The following PLCG2 variants were observed in gnomAD, a reference collection of about 807,000 sequenced individuals.
PLCG2 encodes the protein 1-phosphatidylinositol 4,5-bisphosphate phosphodiesterase gamma-2.
Under a neutral mutation model 175.6 loss-of-function variants are expected in PLCG2, and 69 were observed. The ratio of observed to expected loss-of-function variants is 0.39; its 90% CI spans 0.32 to 0.48. The LOEUF (loss-of-function observed/expected upper bound fraction) is 0.48, where lower values mean the gene tolerates loss of function less well. Among genes scored for constraint, PLCG2 ranks in the 20% least tolerant of loss-of-function variants. The probability of loss-of-function intolerance (pLI) is 0.91; values close to 1 mark genes in which losing one functional copy is unlikely to be tolerated. For synonymous variants in PLCG2, 827 were observed against 624.0 expected (o/e 1.33, Z -4.85); for missense variants, 1,798 against 1,650.9 (o/e 1.09, Z -1.54).
In PLCG2 at chr16:81,802,159, C is replaced by T. The variant is rs1030475445; in HGVS notation, c.193+15977C>T. Among the ~76,000 whole-genome samples, 69 of 123,366 alleles carry T rather than the reference C, an allele frequency of 5.6e-4. 1 individual carries two copies. Among genetic ancestry groups the T allele is most frequent in the African/African-American group, 2.1e-3 (67 of 32,604 alleles). The allele number at this position is 123,366 out of a possible 152,430, so 80.9% of individuals were successfully genotyped here. A position where few individuals can be genotyped will look rare whatever the true frequency, so the allele number is the denominator to read the frequency against. ...GACGGATCTCGCTCTTTCGCCCAGG[C>T]CAGAGTGCAGTGGCGCTATCTTGGC... is the stretch of plus-strand genomic sequence containing the variant. On this transcript the variant is annotated intron_variant, in intron 2 of 32. Transcript: ENST00000564138.
chr16:81,819,950 T>C (rs1904722321), intron 2 of PLCG2, among the ~76,000 whole-genome samples: 1 of 152,142 alleles, frequency 6.6e-6, no homozygotes, highest in Non-Finnish European at 1.5e-5. Flanking sequence ...TGCAGATTCA[T>C]TCTAGAACCT....
chr16:81,825,037 G>T (rs1452630769), intron 2 of PLCG2, among the ~76,000 whole-genome samples: 1 of 152,202 alleles, frequency 6.6e-6, no homozygotes, highest in Non-Finnish European at 1.5e-5. Context: ...CTAGAGCTGG[G>T]AAAGGCAATG....
chr16:81,938,986 G>A (rs879640709), intron 29 of PLCG2, 71 bp downstream of exon 29: 5 of 856,804 alleles, frequency 5.8e-6, no homozygotes, highest in African/African-American at 1.7e-5. Flanking sequence ...AGTGCTCTTC[G>A]TGGGGGATTT....
chr16:81,944,326 C>T (rs1174689825), intron 30 of PLCG2, among the ~76,000 whole-genome samples: 1 of 149,508 alleles, frequency 6.7e-6, no homozygotes, highest in East Asian at 2.2e-4. Context: ...ATGTATCGAA[C>T]ATATGCAGAC....
intron 9 of PLCG2, among the ~76,000 whole-genome samples, chr16:81,885,704 C>G (rs1908327528): frequency 1.3e-5 from 2 of 152,176 alleles, no homozygotes; most frequent in East Asian, 1.9e-4. Flanking sequence ...CATCCGATAC[C>G]CAGCCTGCAT....
chr16:81,871,997 A>G lies in PLCG2; in HGVS notation c.648+1062A>G, dbSNP rs868330324. 2.0e-5 allele frequency among the ~76,000 whole-genome samples: 3 copies of G among 152,182 alleles called. 1 individual carries two copies. Among genetic ancestry groups the G allele is most frequent in the African/African-American group, 4.8e-5 (2 of 41,438 alleles). ...ATTTTGTGATGAAAGCCAGCAGCAGATTTACATCAGGAGTCAGGTCTGCTA... is the reference window on the plus strand; with the variant it reads ...ATTTTGTGATGAAAGCCAGCAGCAGGTTTACATCAGGAGTCAGGTCTGCTA... On this transcript the variant is annotated intron_variant, in intron 7 of 32. Transcript: ENST00000564138.
chr16:81,835,035 G>A lies in PLCG2; in HGVS notation c.194-19409G>A, dbSNP rs115563301. ...GGTGTCATGAACACTGTTTTTCTCA[G>A]TGGGAGGAGGTGGAGGTACCCAAAG... On this transcript the variant is annotated intron_variant, in intron 2 of 32. Coordinates refer to ENST00000564138, the MANE Select transcript of PLCG2 (RefSeq NM_002661.5). Among the ~76,000 whole-genome samples, 361 of 152,068 alleles carry A rather than the reference G, an allele frequency of 2.4e-3. 3 individuals carry two copies. Among genetic ancestry groups the A allele is most frequent in the African/African-American group, 8.5e-3 (353 of 41,474 alleles).
At chr16:81,758,830 A>C (rs1392705082) in intron 2 of PLCG2, among the ~76,000 whole-genome samples, 1 of 152,082 alleles carries the variant, frequency 6.6e-6, no homozygotes, top group Non-Finnish European at 1.5e-5. Context: ...GGTGCACACC[A>C]CCATGCCCAG....
chr16:81,851,575 T>C (rs201403309), intron 2 of PLCG2, among the ~76,000 whole-genome samples: 1 of 152,036 alleles, frequency 6.6e-6, no homozygotes, highest in Non-Finnish European at 1.5e-5. Context: ...TGCAGTGGCG[T>C]GGTCTCGGCT....
intron 2 of PLCG2, among the ~76,000 whole-genome samples, chr16:81,818,498 C>T (rs901490210): frequency 2.6e-5 from 4 of 152,084 alleles, no homozygotes; most frequent in African/African-American, 9.7e-5. Flanking sequence ...GCCATTCTTC[C>T]TCTGCTTGCA....
In PLCG2 at chr16:81,895,896, G is replaced by A; in HGVS notation, c.1162G>A (p.Ala388Thr). Residue 388 changes from alanine to threonine, a missense_variant, in exon 13 of 33, where the codon GCC becomes ACC. Coordinates refer to ENST00000564138, the MANE Select transcript of PLCG2 (RefSeq NM_002661.5). ...GATCAAGTTTGACGACGTCGTGCAGGCCATCAAAGACCACGCCTTTGTTAC... is the reference window on the plus strand; with the variant it reads ...GATCAAGTTTGACGACGTCGTGCAGACCATCAAAGACCACGCCTTTGTTAC... ...TKIKFDDVVQ[A>T]IKDHAFVTSS... The A allele has an allele frequency of 6.2e-7, 1 of 1,614,166 alleles. No homozygotes were observed. Among genetic ancestry groups the A allele is most frequent in the East Asian group, 2.2e-5 (1 of 44,872 alleles).
At chr16:81,914,338 G>T in intron 19 of PLCG2, among the ~76,000 whole-genome samples, 1 of 152,214 alleles carries the variant, frequency 6.6e-6, no homozygotes, top group Non-Finnish European at 1.5e-5. Flanking sequence ...GTCTCAGGTG[G>T]CTGTACCTTG....
At chr16:81,828,438 C>T (rs374427522) in intron 2 of PLCG2, among the ~76,000 whole-genome samples, 47 of 151,966 alleles carry the variant, frequency 3.1e-4, no homozygotes, top group African/African-American at 1.0e-3. Context: ...CTGGGTTTCA[C>T]CATGTTAGCC....
At chr16:81,926,405 G>A (rs1305859132) in intron 22 of PLCG2, among the ~76,000 whole-genome samples, 2 of 152,212 alleles carry the variant, frequency 1.3e-5, no homozygotes, top group Admixed American at 6.5e-5. Flanking sequence ...CGGCCTTGCC[G>A]GGAGGAATCT....
chr16:81,803,640 C>T (rs1466189956), intron 2 of PLCG2, among the ~76,000 whole-genome samples: 1 of 23,498 alleles, frequency 4.3e-5, no homozygotes, highest in African/African-American at 1.3e-4. Flanking sequence ...TTCTTCCCTC[C>T]CTCCCTCCCT....
chr16:81,758,352 G>A (rs1448834081), intron 2 of PLCG2, among the ~76,000 whole-genome samples: 2 of 152,168 alleles, frequency 1.3e-5, no homozygotes, highest in Non-Finnish European at 2.9e-5. Flanking sequence ...TTATTGCTGA[G>A]TAATATTCCA....
In PLCG2 at chr16:81,954,006, G is replaced by C. The variant is rs372102863; in HGVS notation, c.3571-2689G>C. ...GAGACCTTTCATGGTATAGTATTAA[G>C]ACTTAAATGGGGTTTTCATTTTGCT... On this transcript the variant is annotated intron_variant, in intron 31 of 32. Coordinates refer to ENST00000564138, the MANE Select transcript of PLCG2 (RefSeq NM_002661.5). Among the ~76,000 whole-genome samples, 16 of 152,216 alleles carry C rather than the reference G, an allele frequency of 1.1e-4. No individual in the cohort carries two copies. The East Asian group carries it at 2.7e-3, about 26-fold the overall frequency.
chr16:81,848,469 C>T (rs890194028), intron 2 of PLCG2, among the ~76,000 whole-genome samples: 4 of 152,102 alleles, frequency 2.6e-5, no homozygotes, highest in Non-Finnish European at 5.9e-5. Flanking sequence ...TCTTTCTTAC[C>T]ATGCTCTGTC....
chr16:81,806,146 A>G (rs766726285), intron 2 of PLCG2, among the ~76,000 whole-genome samples: 2 of 152,136 alleles, frequency 1.3e-5, no homozygotes, highest in Non-Finnish European at 2.9e-5. Context: ...CCTATAACAC[A>G]TCTTGATTCA....
Sources: gnomAD v4.1 joint callset for allele counts (sites outside exome capture counted in the v4.1 genomes callset) on GRCh38, gnomAD v4.1.1 for gene constraint, MANE v1.5 for transcripts, NCBI Gene and HGNC (gene_info 2026-07-23, HGNC 2026-07-21) for gene names.